CDH18: variants seen among roughly 807,000 people sequenced by gnomAD.
CDH18 encodes the protein cadherin-18.
In CDH18, 31 loss-of-function variants were observed where a neutral mutation model predicts 67.9. The observed-to-expected ratio is 0.46, with a 90% CI of 0.34 to 0.62. CDH18 has a LOEUF of 0.62. Ranked by LOEUF, CDH18 falls within the 20% of genes least tolerant of loss-of-function variation. CDH18 has a pLI of 0.01. For synonymous variants in CDH18, 362 were observed against 347.2 expected, an observed-to-expected ratio of 1.04 and a Z score of -0.48; for missense variants, 890 against 975.5, an observed-to-expected ratio of 0.91 and a Z score of 1.17.
chr5:20,088,617 A>T (rs2150555632), intron 2 of CDH18, among the ~76,000 whole-genome samples: 1 of 152,276 alleles, frequency 6.6e-6, no homozygotes. Flanking sequence ...AGAGGAAAAA[A>T]TCAGGGCCAG....
intron 4 of CDH18, among the ~76,000 whole-genome samples, chr5:19,727,559 T>G (rs561760884): frequency 6.6e-6 from 1 of 152,188 alleles, no homozygotes; most frequent in African/African-American, 2.4e-5. Context: ...GACTGTAAGA[T>G]AATACATTTC....
At chr5:19,629,941 T>G (rs1231416896) in intron 5 of CDH18, among the ~76,000 whole-genome samples, 1 of 151,996 alleles carries the variant, frequency 6.6e-6, no homozygotes. Flanking sequence ...TTTTATTTAT[T>G]TATTTATTTT....
chr5:19,918,350 C>T (rs1011989617), intron 2 of CDH18, among the ~76,000 whole-genome samples: 4 of 152,188 alleles, frequency 2.6e-5, no homozygotes, highest in South Asian at 2.1e-4. Flanking sequence ...TTTAATTGCA[C>T]TCCATCATCA....
At chr5:20,482,896 T>G (rs1347558820) in intron 1 of CDH18, among the ~76,000 whole-genome samples, 1 of 152,070 alleles carries the variant, frequency 6.6e-6, no homozygotes, top group African/African-American at 2.4e-5. Flanking sequence ...ACCACTGTTA[T>G]TCCACTGTAG....
chr5:20,411,804 T>C (rs1039619519), intron 1 of CDH18, among the ~76,000 whole-genome samples: 1 of 144,928 alleles, frequency 6.9e-6, no homozygotes. Flanking sequence ...CACAAAAAAA[T>C]ACCTAGGAAT....
At position 19,774,808 on chromosome 5, in the gene CDH18, C is replaced by CAAAAAAAAAAAAAAAAAA. The variant is rs59248561; in HGVS notation, c.229-27590_229-27573dup. Among the ~76,000 whole-genome samples, 5 of 35,416 alleles carry CAAAAAAAAAAAAAAAAAA rather than the reference C, an allele frequency of 1.4e-4. 1 individual carries two copies. The highest frequency in any genetic ancestry group is 2.1e-4 in the Non-Finnish European group (4 of 19,264). The allele number at this position is 35,416 out of a possible 152,430, so 23.2% of individuals were successfully genotyped here. ...TGAGTGACAGAGCAAGACTCTGTCT[C>CAAAAAAAAAAAAAAAAAA]AAAAAAAAAAAAAAAAAAAAAAAAA... On this transcript the variant is annotated intron_variant, in intron 3 of 12. Transcript: ENST00000382275.
chr5:20,115,614 A>G (rs1202427063), intron 2 of CDH18, among the ~76,000 whole-genome samples: 1 of 151,970 alleles, frequency 6.6e-6, no homozygotes, highest in Non-Finnish European at 1.5e-5. Flanking sequence ...CCATCATATT[A>G]GGGGTTAGGG....
chr5:20,313,353 G>A (rs2149993251), intron 1 of CDH18, among the ~76,000 whole-genome samples: 2 of 152,162 alleles, frequency 1.3e-5, no homozygotes, highest in South Asian at 4.1e-4. Context: ...AACTGGGATA[G>A]AGACTGATTT....
chr5:19,910,347 C>T (rs899636898), intron 2 of CDH18, among the ~76,000 whole-genome samples: 1 of 152,104 alleles, frequency 6.6e-6, no homozygotes, highest in Non-Finnish European at 1.5e-5. Context: ...CCCCAGAGTG[C>T]AAACAAGCAC....
chr5:19,653,759 T>G (rs997521084), intron 5 of CDH18, among the ~76,000 whole-genome samples: 3 of 152,128 alleles, frequency 2.0e-5, no homozygotes, highest in African/African-American at 7.2e-5. Flanking sequence ...CTGTGTAGCC[T>G]CTCCTATCAA....
At chr5:20,467,200 A>G (rs754217503) in intron 1 of CDH18, among the ~76,000 whole-genome samples, 72 of 152,250 alleles carry the variant, frequency 4.7e-4, no homozygotes, top group East Asian at 2.5e-3. Context: ...ATATTATTCA[A>G]TATATAAGTA....
intron 1 of CDH18, among the ~76,000 whole-genome samples, chr5:20,261,500 G>C (rs749175672): frequency 2.6e-5 from 4 of 152,138 alleles, no homozygotes; most frequent in Non-Finnish European, 5.9e-5. Flanking sequence ...CAGCACTTTG[G>C]GAGGCTGAGG....
At chr5:19,799,068 C>G (rs144148444) in intron 3 of CDH18, among the ~76,000 whole-genome samples, 1 of 152,124 alleles carries the variant, frequency 6.6e-6, no homozygotes, top group East Asian at 1.9e-4. Context: ...GTGCAGGTAT[C>G]TCTTCATGAT....
At chr5:19,818,571 T>C (rs1779534367) in intron 3 of CDH18, among the ~76,000 whole-genome samples, 1 of 152,138 alleles carries the variant, frequency 6.6e-6, no homozygotes, top group Non-Finnish European at 1.5e-5. Context: ...AAGTGCATCG[T>C]TAAGCAATTC....
At chr5:19,502,916 A>G (rs530739640) in intron 11 of CDH18, 76 bp downstream of exon 11, 147 of 861,724 alleles carry the variant, frequency 1.7e-4, no homozygotes, top group East Asian at 1.5e-3. Flanking sequence ...TTGTGTGTAT[A>G]TAAGAATAAA....
intron 8 of CDH18, among the ~76,000 whole-genome samples, chr5:19,558,351 A>C (rs1738826270): frequency 6.6e-6 from 1 of 152,120 alleles, no homozygotes; most frequent in Non-Finnish European, 1.5e-5. Context: ...GATAAATGAA[A>C]CAAAAAGTTA....
chr5:20,517,250 A>G (rs1755435243), intron 1 of CDH18, among the ~76,000 whole-genome samples: 1 of 151,682 alleles, frequency 6.6e-6, no homozygotes, highest in Non-Finnish European at 1.5e-5. Flanking sequence ...GAGAAAATAT[A>G]ATACTTGAAA....
chr5:19,618,612 T>C (rs569680310), intron 5 of CDH18, among the ~76,000 whole-genome samples: 2 of 152,328 alleles, frequency 1.3e-5, no homozygotes, highest in African/African-American at 4.8e-5. Context: ...CAATGGGACA[T>C]GTGGACCACT....
At chr5:20,478,558 T>A (rs963343477) in intron 1 of CDH18, among the ~76,000 whole-genome samples, 1 of 152,100 alleles carries the variant, frequency 6.6e-6, no homozygotes, top group South Asian at 2.1e-4. Flanking sequence ...GGACTTTGTC[T>A]TACTTGAGTG....
Sources: allele counts gnomAD v4.1 joint callset (sites outside exome capture counted in the v4.1 genomes callset), GRCh38; gene constraint gnomAD v4.1.1; transcripts MANE v1.5; gene names NCBI Gene and HGNC (gene_info 2026-07-23, HGNC 2026-07-21).